The following KDM5A variants were observed in gnomAD, a reference collection of about 807,000 sequenced individuals.
KDM5A encodes lysine demethylase 5A.
KDM5A carries 42 observed loss-of-function variants against 193.5 expected under a neutral mutation model. The ratio of observed to expected loss-of-function variants is 0.22; its 90% CI spans 0.17 to 0.28. The LOEUF (loss-of-function observed/expected upper bound fraction) is 0.28. Among genes scored for constraint, KDM5A ranks in the 10% least tolerant of loss-of-function variants. The pLI is 1.00. For missense variants in KDM5A, 1,692 were observed against 2,055.1 expected (o/e 0.82, Z 3.42); for synonymous variants, 796 against 718.1 (o/e 1.11, Z -1.73).
At chr12:364,675 C>T (rs571441490) in intron 4 of KDM5A, among the ~76,000 whole-genome samples, 7 of 150,332 alleles carry the variant, frequency 4.7e-5, no homozygotes, top group African/African-American at 1.7e-4. Context: ...GTCCCAGCTA[C>T]TCGGGAGGCT....
At chr12:302,459 C>T (rs1943454856) in intron 24 of KDM5A, among the ~76,000 whole-genome samples, 1 of 150,802 alleles carries the variant, frequency 6.6e-6, no homozygotes, top group African/African-American at 2.4e-5. Context: ...GGAAAACTGG[C>T]TTAGCCATAT....
intron 3 of KDM5A, 61 bp downstream of exon 3, chr12:383,970 T>A (rs1944609342): frequency 6.5e-7 from 1 of 1,541,152 alleles, no homozygotes; most frequent in Non-Finnish European, 9.0e-7. Flanking sequence ...CTACCAAATC[T>A]ATTTGATATT....
At chr12:385,831 G>T in intron 2 of KDM5A, 66 bp downstream of exon 2, 1 of 1,255,632 alleles carries the variant, frequency 8.0e-7, no homozygotes, top group Non-Finnish European at 1.2e-6. Context: ...GCTTCTCAAA[G>T]TTCTCTACCT....
At chr12:288,257 C>CT (rs1367740839) in intron 27 of KDM5A, among the ~76,000 whole-genome samples, 1 of 152,180 alleles carries the variant, frequency 6.6e-6, no homozygotes. Flanking sequence ...ATCCTGAAAA[C>CT]TCAAGAACAC....
Position 311,018 on chromosome 12 carries a change from G to A in KDM5A, c.3083C>T (p.Ala1028Val), listed in dbSNP as rs546854883. The A allele has an allele frequency of 1.1e-5, 17 of 1,614,146 alleles. No homozygotes were observed. Among genetic ancestry groups the A allele is most frequent in the South Asian group, 5.5e-5 (5 of 91,082 alleles). Residue 1028 changes from alanine to valine, a missense_variant, in exon 21 of 28, where the codon GCG (alanine) becomes GTG (valine). This residue lies in a region of KDM5A where 965 missense variants were observed against 1,061.0 expected (regional missense o/e 0.91). Transcript: ENST00000399788. The stretch of plus-strand genomic sequence containing the variant: ...ACGCACAGGAATAGGGCGTCCTTTC[G>A]CAGACAAGCTCTCAAGCTGCTCCAA... ...AYLEQLESLSAKGRPIPVRLE... is the reference protein window; with the variant it reads ...AYLEQLESLSVKGRPIPVRLE...
In KDM5A at chr12:306,954, C is replaced by A. The variant is rs777946084; in HGVS notation, c.4066G>T (p.Asp1356Tyr). 1.2e-6 allele frequency: 2 copies of A among 1,613,158 alleles called. No individual in the cohort carries two copies. The highest frequency in any genetic ancestry group is 2.2e-5 in the South Asian group (2 of 91,050). ...CTTGTCCATGTAACTACCTTCATGT[C>A]GTAGCCATATGTCTCTCGAATGTCT... ...DEDIRETYGY[D>Y]MKDTASVKSS... The change falls in exon 24 of 28, where the codon GAC becomes TAC. Residue 1356 changes from aspartate to tyrosine, a missense_variant. Around this residue, in one of 11 missense-constraint regions of KDM5A, gnomAD observed 965 missense variants for 1,061.0 expected, o/e 0.91. Coordinates refer to ENST00000399788, the MANE Select transcript of KDM5A (RefSeq NM_001042603.3).
chr12:317,760 T>C (rs1943666151), intron 19 of KDM5A, among the ~76,000 whole-genome samples: 1 of 152,228 alleles, frequency 6.6e-6, no homozygotes, highest in Admixed American at 6.5e-5. Context: ...TGAGGTGCTC[T>C]GAGGGTTGAA....
chr12:336,337 C>A (rs1197875963), intron 10 of KDM5A, among the ~76,000 whole-genome samples: 2 of 133,402 alleles, frequency 1.5e-5, no homozygotes, highest in African/African-American at 2.9e-5. Flanking sequence ...GCCTGAAAGA[C>A]AGAGTGAGAC....
At chr12:348,946 A>G (rs1466293688) in intron 10 of KDM5A, among the ~76,000 whole-genome samples, 1 of 151,578 alleles carries the variant, frequency 6.6e-6, no homozygotes, top group African/African-American at 2.4e-5. Context: ...TATGGTGTCA[A>G]ACTCGTTATA....
chr12:286,724 G>C (rs1943223630), intron 27 of KDM5A, among the ~76,000 whole-genome samples: 1 of 152,164 alleles, frequency 6.6e-6, no homozygotes, highest in Non-Finnish European at 1.5e-5. Flanking sequence ...TAGCAACTGA[G>C]TAGTTTTCAA....
intron 24 of KDM5A, among the ~76,000 whole-genome samples, chr12:300,544 G>A (rs937535617): frequency 2.0e-5 from 3 of 152,124 alleles, no homozygotes. Flanking sequence ...GTGTGTAGAG[G>A]GAAATTTATA....
chr12:387,617 T>C (rs1195023075), intron 1 of KDM5A, among the ~76,000 whole-genome samples: 1 of 152,188 alleles, frequency 6.6e-6, no homozygotes, highest in East Asian at 1.9e-4. Flanking sequence ...GTGAGAGCAT[T>C]ACGTCTGTTT....
At position 282,796 on chromosome 12, in the gene KDM5A, G is replaced by T. The variant is rs930854486; in HGVS notation, c.*2660C>A. 4.3e-6 allele frequency: 1 copy of T among 232,408 alleles called. No homozygotes were observed. Among genetic ancestry groups the T allele is most frequent in the African/African-American group, 2.2e-5 (1 of 45,294 alleles). The allele number at this position is 232,408 out of a possible 1,614,324, so 14.4% of individuals were successfully genotyped here. A position where few individuals can be genotyped will look rare whatever the true frequency, so the allele number is the denominator to read the frequency against. Reference sequence around the variant, plus strand: ...AATATTACAATACAGAAGGGAGCAAGTAAGTAATTTTCTCTAAGTGAAAAT... The same window carrying T: ...AATATTACAATACAGAAGGGAGCAATTAAGTAATTTTCTCTAAGTGAAAAT... On this transcript the variant is annotated 3_prime_UTR_variant, in exon 28 of 28. Coordinates refer to ENST00000399788, the MANE Select transcript of KDM5A (RefSeq NM_001042603.3).
chr12:373,636 T>C (rs534366787), intron 3 of KDM5A, among the ~76,000 whole-genome samples: 33 of 152,358 alleles, frequency 2.2e-4, no homozygotes, highest in African/African-American at 7.9e-4. Flanking sequence ...TGAATGTGTT[T>C]GTACTTCCTT....
At chr12:287,114 C>T (rs544808243) in intron 27 of KDM5A, among the ~76,000 whole-genome samples, 87 of 152,292 alleles carry the variant, frequency 5.7e-4, no homozygotes, top group Admixed American at 8.5e-4. Flanking sequence ...TGGCTCTACT[C>T]ATTACCCTAC....
chr12:382,992 G>GT (rs1050420221), intron 3 of KDM5A, among the ~76,000 whole-genome samples: 148 of 146,460 alleles, frequency 1.0e-3, no homozygotes, highest in Admixed American at 1.1e-3. Context: ...AGGTCAGTTA[G>GT]TTTTTTTTTT....
chr12:332,760 T>C (rs1293486397), intron 12 of KDM5A, among the ~76,000 whole-genome samples: 1 of 152,290 alleles, frequency 6.6e-6, no homozygotes, highest in East Asian at 1.9e-4. Flanking sequence ...ATAAGCATCC[T>C]TATTGGTTAT....
chr12:340,495 ACCAGCCTGG>A (rs1330444553), intron 10 of KDM5A, among the ~76,000 whole-genome samples: 2 of 152,074 alleles, frequency 1.3e-5, no homozygotes, highest in Non-Finnish European at 2.9e-5. Context: ...GTAGTTCGAG[ACCAGCCTGG>A]CCAACATGGT....
At chr12:357,777 G>C (rs1428223580) in intron 5 of KDM5A, among the ~76,000 whole-genome samples, 44 of 124,788 alleles carry the variant, frequency 3.5e-4, no homozygotes, top group Non-Finnish European at 1.9e-4. Flanking sequence ...GCAGTGAGCT[G>C]AGATTGCACC....
Sources: allele counts gnomAD v4.1 joint callset (sites outside exome capture counted in the v4.1 genomes callset), GRCh38; gene constraint gnomAD v4.1.1; regional missense constraint gnomAD v4.1.1; transcripts MANE v1.5; gene names NCBI Gene and HGNC (gene_info 2026-07-23, HGNC 2026-07-21).